Variants in TNFAIP8L3 observed in about 807,000 individuals in gnomAD.
TNFAIP8L3 encodes the protein TNF alpha induced protein 8 like 3, also known as tumor necrosis factor alpha-induced protein 8-like protein 3.
Under a neutral mutation model 11.8 loss-of-function variants are expected in TNFAIP8L3, and 7 were observed. The observed-to-expected ratio is 0.59, with a 90% CI of 0.34 to 1.11. The LOEUF is 1.11. Among genes scored for constraint, TNFAIP8L3 ranks in the 50% most tolerant of loss-of-function variants. The probability of loss-of-function intolerance (pLI) is 0.03; values close to 1 mark genes in which losing one functional copy is unlikely to be tolerated. For missense variants in TNFAIP8L3, 219 were observed against 258.6 expected (o/e 0.85, Z 1.05); for synonymous variants, 98 against 103.8 (o/e 0.94, Z 0.34).
intron 1 of TNFAIP8L3, among the ~76,000 whole-genome samples, chr15:51,081,238 C>A (rs1272795292): frequency 2.0e-5 from 3 of 152,142 alleles, no homozygotes; most frequent in African/African-American, 7.2e-5. Flanking sequence ...TCAGGTGAGG[C>A]AGAGAGCTGG....
chr15:51,076,229 G>C (rs575336116), intron 1 of TNFAIP8L3, among the ~76,000 whole-genome samples: 2 of 152,142 alleles, frequency 1.3e-5, no homozygotes, highest in African/African-American at 4.8e-5. Flanking sequence ...CTGGCCTGTG[G>C]AATGACAGTG....
At chr15:51,090,180 G>A (rs1187770836) in intron 1 of TNFAIP8L3, among the ~76,000 whole-genome samples, 2 of 152,200 alleles carry the variant, frequency 1.3e-5, no homozygotes, top group Admixed American at 6.5e-5. Flanking sequence ...TCCAGAGAAC[G>A]TTACCCAACA....
upstream of TNFAIP8L3, among the ~76,000 whole-genome samples, chr15:51,096,214 C>A (rs924552171): frequency 3.9e-5 from 6 of 152,260 alleles, no homozygotes; most frequent in African/African-American, 1.4e-4. Context: ...GGCTTCTGGT[C>A]TACCTGAAGG....
intron 1 of TNFAIP8L3, among the ~76,000 whole-genome samples, chr15:51,061,408 G>A (rs1717663440): frequency 6.6e-6 from 1 of 152,214 alleles, no homozygotes; most frequent in Non-Finnish European, 1.5e-5. Context: ...ATAATTTCTA[G>A]ATAATGTAAA....
intron 1 of TNFAIP8L3, among the ~76,000 whole-genome samples, chr15:51,059,408 TA>T (rs749108790): frequency 1.4e-4 from 22 of 152,348 alleles, no homozygotes; most frequent in Non-Finnish European, 2.5e-4. Context: ...ATTTATAGCG[TA>T]TTTTTTTCTT....
intron 1 of TNFAIP8L3, among the ~76,000 whole-genome samples, chr15:51,087,402 G>C (rs1452280364): frequency 6.6e-6 from 1 of 152,138 alleles, no homozygotes; most frequent in Non-Finnish European, 1.5e-5. Flanking sequence ...CAGGAGTGTG[G>C]GATGTGTGTG....
chr15:51,085,476 C>T (rs1258096098), intron 1 of TNFAIP8L3, among the ~76,000 whole-genome samples: 1 of 152,088 alleles, frequency 6.6e-6, no homozygotes, highest in Non-Finnish European at 1.5e-5. Context: ...GCTGGTCTGA[C>T]CTGTGGCAAA....
At chr15:51,097,210 G>T (rs2065519412), upstream of TNFAIP8L3, among the ~76,000 whole-genome samples, 1 of 152,066 alleles carries the variant, frequency 6.6e-6, no homozygotes. Context: ...AGGTAGCCTG[G>T]GTTGCAGTGT....
exon 1 of TNFAIP8L3, chr15:51,105,195 CT>C (rs1439876621): frequency 1.2e-5 from 19 of 1,611,556 alleles, no homozygotes; most frequent in Non-Finnish European, 1.6e-5. Context: ...AGGTGTCCTT[CT>C]TGGGACAGTA....
intron 1 of TNFAIP8L3, chr15:51,069,481 T>A (rs1381332011): frequency 6.6e-6 from 1 of 152,202 alleles, no homozygotes; most frequent in Non-Finnish European, 1.5e-5. Flanking sequence ...TGAAGACCTT[T>A]CCCCTACCCC....
At chr15:51,101,339 G>A (rs1416965621) in intron 1 of TNFAIP8L3, among the ~76,000 whole-genome samples, 1 of 152,142 alleles carries the variant, frequency 6.6e-6, no homozygotes, top group East Asian at 1.9e-4. Context: ...ATGTAAAATA[G>A]TGCGGGGCGT....
chr15:51,070,968 G>C (rs538545006), intron 1 of TNFAIP8L3, among the ~76,000 whole-genome samples: 1 of 145,006 alleles, frequency 6.9e-6, no homozygotes, highest in East Asian at 2.0e-4. Context: ...GGAGAATGGC[G>C]TGAACCCGGG....
intron 1 of TNFAIP8L3, among the ~76,000 whole-genome samples, chr15:51,059,820 C>G (rs1305957593): frequency 6.6e-6 from 1 of 152,244 alleles, no homozygotes; most frequent in Non-Finnish European, 1.5e-5. Context: ...ACTGGATAGG[C>G]AGAGCAGACA....
chr15:51,078,772 T>C (rs977643422), intron 1 of TNFAIP8L3, among the ~76,000 whole-genome samples: 1 of 151,958 alleles, frequency 6.6e-6, no homozygotes, highest in Admixed American at 6.6e-5. Flanking sequence ...CTGGGGACCA[T>C]CCTTGCCTTA....
chr15:51,075,053 G>A (rs1489256428), intron 1 of TNFAIP8L3, among the ~76,000 whole-genome samples: 1 of 152,200 alleles, frequency 6.6e-6, no homozygotes, highest in Non-Finnish European at 1.5e-5. Flanking sequence ...CTCAGTATAT[G>A]TCTTGTATAT....
intron 1 of TNFAIP8L3, among the ~76,000 whole-genome samples, chr15:51,087,508 G>A (rs546791498): frequency 4.6e-5 from 7 of 152,300 alleles, no homozygotes; most frequent in Non-Finnish European, 1.0e-4. Flanking sequence ...ATGAAGCTAC[G>A]TATGGCTAAC....
intron 1 of TNFAIP8L3, among the ~76,000 whole-genome samples, chr15:51,093,844 T>C (rs965031696): frequency 2.0e-5 from 3 of 152,170 alleles, no homozygotes; most frequent in Admixed American, 6.5e-5. Flanking sequence ...CATTCATTTT[T>C]TTTCTTCCCT....
chr15:51,063,991 A>T (rs1227113275), intron 1 of TNFAIP8L3, among the ~76,000 whole-genome samples: 3 of 152,182 alleles, frequency 2.0e-5, no homozygotes, highest in Non-Finnish European at 2.9e-5. Flanking sequence ...AGAATTTGTT[A>T]TTTACCTGCA....
chr15:51,082,745 C>T (rs1320590823), intron 1 of TNFAIP8L3, among the ~76,000 whole-genome samples: 3 of 151,574 alleles, frequency 2.0e-5, no homozygotes, highest in Non-Finnish European at 4.4e-5. Context: ...TTTTCTTTTA[C>T]TTTTTAAACT....
Sources: allele counts gnomAD v4.1 joint callset (sites outside exome capture counted in the v4.1 genomes callset), GRCh38; gene constraint gnomAD v4.1.1; transcripts MANE v1.5; gene names NCBI Gene and HGNC (gene_info 2026-07-23, HGNC 2026-07-21).